The following ADAMTS17 variants were observed in gnomAD, a reference collection of about 807,000 sequenced individuals.
ADAMTS17 encodes A disintegrin and metalloproteinase with thrombospondin motifs 17.
A neutral mutation model predicts 141.5 loss-of-function variants in ADAMTS17; 113 were observed. The observed-to-expected ratio is 0.80, with a 90% confidence interval of 0.69 to 0.93. The LOEUF (loss-of-function observed/expected upper bound fraction) is 0.93, where lower values mean the gene tolerates loss of function less well. ADAMTS17 is among the 40% of genes least tolerant of loss of function. ADAMTS17 has a pLI of 0.00. For missense variants in ADAMTS17, 1,659 were observed against 1,517.9 expected, an observed-to-expected ratio of 1.09 and a Z score of -1.54; for synonymous variants, 768 against 630.6, an observed-to-expected ratio of 1.22 and a Z score of -3.27.
intron 20 of ADAMTS17, among the ~76,000 whole-genome samples, chr15:99,988,023 A>G (rs548456759): frequency 2.0e-5 from 3 of 151,620 alleles, no homozygotes; most frequent in Non-Finnish European, 4.4e-5. Context: ...GGTAAAACCA[A>G]CCTTCCCCCA....
chr15:100,145,690 T>C (rs1467342077), intron 10 of ADAMTS17, among the ~76,000 whole-genome samples: 1 of 152,220 alleles, frequency 6.6e-6, no homozygotes, highest in Non-Finnish European at 1.5e-5. Flanking sequence ...GGAGTATAAA[T>C]GGTTAATATG....
intron 8 of ADAMTS17, among the ~76,000 whole-genome samples, chr15:100,177,259 C>T (rs1159718851): frequency 1.3e-5 from 2 of 152,228 alleles, no homozygotes; most frequent in African/African-American, 2.4e-5. Flanking sequence ...CGCAATCTTT[C>T]GTCTTTTCTA....
intron 8 of ADAMTS17, among the ~76,000 whole-genome samples, chr15:100,192,203 C>T (rs1053435874): frequency 2.6e-5 from 4 of 152,224 alleles, no homozygotes; most frequent in Admixed American, 6.5e-5. Flanking sequence ...CCAAGCTCCG[C>T]TGAGGGAAAC....
At chr15:100,233,549 TAA>T (rs1473508604) in intron 7 of ADAMTS17, among the ~76,000 whole-genome samples, 4 of 152,138 alleles carry the variant, frequency 2.6e-5, no homozygotes, top group Non-Finnish European at 5.9e-5. Flanking sequence ...GTTGTATTAA[TAA>T]AACTCATTGC....
chr15:100,034,654 T>C (rs889818441), intron 18 of ADAMTS17, among the ~76,000 whole-genome samples: 53 of 152,188 alleles, frequency 3.5e-4, no homozygotes, highest in African/African-American at 1.3e-3. Flanking sequence ...TTGCAAACTC[T>C]TTCCTTTGAC....
At chr15:100,214,858 A>G (rs9635423) in intron 7 of ADAMTS17, among the ~76,000 whole-genome samples, 129,183 of 152,256 alleles carry the variant, frequency 0.85, 55,069 homozygotes, top group Non-Finnish European at 0.89. Flanking sequence ...CACTATGAGC[A>G]CAACGACACC....
chr15:100,239,622 C>T (rs1446245571), intron 7 of ADAMTS17, among the ~76,000 whole-genome samples: 1 of 152,142 alleles, frequency 6.6e-6, no homozygotes, highest in Non-Finnish European at 1.5e-5. Flanking sequence ...GAGACGGGCT[C>T]TGGAGCCACA....
In ADAMTS17 at chr15:99,974,417, T is replaced by G. The variant is rs112462169; in HGVS notation, c.3273A>C (p.Pro1091=). 1.5e-4 allele frequency: 238 copies of G among 1,614,122 alleles called. No homozygotes were observed. The African/African-American group carries it at 2.8e-3, about 19-fold the overall frequency. Residue 1091 remains proline (P), a synonymous_variant, in exon 22 of 22, where the codon CCA becomes CCC. Coordinates refer to ENST00000268070, the MANE Select transcript of ADAMTS17 (RefSeq NM_139057.4). Reference sequence around the variant, plus strand: ...GGACTGCGTGTCACGAGTTCGGCGGTGGCTGGCGCATCTTGTTTGCATAGA... The same window carrying G: ...GGACTGCGTGTCACGAGTTCGGCGGGGGCTGGCGCATCTTGTTTGCATAGA... The part of the protein sequence containing the change: ...RDFYANKMRQ[P]PPNS
At position 100,035,171 on chromosome 15, in the gene ADAMTS17, C is replaced by T. The variant is rs190729503; in HGVS notation, c.2591+13686G>A. Among the ~76,000 whole-genome samples, 814 of 152,264 alleles carry T rather than the reference C, an allele frequency of 5.3e-3. 5 individuals carry two copies. The highest frequency in any genetic ancestry group is 9.2e-3 in the Non-Finnish European group (623 of 68,022). The stretch of plus-strand genomic sequence containing the variant: ...GAACAGAGGCCAGGCATGCAGTTCC[C>T]CAGCAATGCTCTAGATGGTTAGAAA... On this transcript the variant is annotated intron_variant, in intron 18 of 21. Coordinates refer to ENST00000268070, the MANE Select transcript of ADAMTS17 (RefSeq NM_139057.4).
intron 8 of ADAMTS17, among the ~76,000 whole-genome samples, chr15:100,197,077 A>T (rs768211478): frequency 7.2e-5 from 11 of 152,218 alleles, no homozygotes; most frequent in Non-Finnish European, 1.6e-4. Flanking sequence ...CTAACCATTC[A>T]TCTTTGCAGA....
chr15:100,014,902 C>G (rs2141419191), intron 18 of ADAMTS17, among the ~76,000 whole-genome samples: 1 of 152,230 alleles, frequency 6.6e-6, no homozygotes, highest in Non-Finnish European at 1.5e-5. Flanking sequence ...TAGCTTAAAT[C>G]TATTATTTCT....
In ADAMTS17 at chr15:99,993,490, C is replaced by T. The variant is rs112182644; in HGVS notation, c.2797-290G>A. On this transcript the variant is annotated intron_variant, in intron 19 of 21. Transcript: ENST00000268070. The surrounding 1 kb of genome is among the most constrained non-coding windows in gnomAD (Gnocchi z 4.3). ...GGAGTGGAATTCAGTGGCCACTTGT[C>T]GGGTCCAAAAGCTCAAGGCAATACG... 9.9e-5 allele frequency among the ~76,000 whole-genome samples: 15 copies of T among 152,212 alleles called. No homozygotes were observed. The highest frequency in any genetic ancestry group is 2.4e-4 in the African/African-American group (10 of 41,536).
intron 18 of ADAMTS17, among the ~76,000 whole-genome samples, chr15:100,022,627 C>A (rs2061426347): frequency 6.6e-6 from 1 of 152,136 alleles, no homozygotes; most frequent in African/African-American, 2.4e-5. Flanking sequence ...CCTTTAGCCA[C>A]CCAGCCCTGA....
At chr15:100,036,814 T>C (rs2030767256) in intron 18 of ADAMTS17, among the ~76,000 whole-genome samples, 1 of 152,182 alleles carries the variant, frequency 6.6e-6, no homozygotes, top group Non-Finnish European at 1.5e-5. Flanking sequence ...ATCTAGACAT[T>C]GCATCTCGAT....
chr15:100,174,243 C>T (rs1180817635), intron 8 of ADAMTS17, among the ~76,000 whole-genome samples: 1 of 150,340 alleles, frequency 6.7e-6, no homozygotes, highest in African/African-American at 2.5e-5. Flanking sequence ...TGCTCAGATT[C>T]CCAATTTTGG....
chr15:100,341,615 C>T (rs990380342), intron 1 of ADAMTS17, among the ~76,000 whole-genome samples: 13 of 150,194 alleles, frequency 8.7e-5, no homozygotes, highest in African/African-American at 3.2e-4. Context: ...GGAACGGCGC[C>T]GCGCATCGGC....
At chr15:100,162,776 A>G (rs1266627202) in intron 8 of ADAMTS17, among the ~76,000 whole-genome samples, 1 of 146,182 alleles carries the variant, frequency 6.8e-6, no homozygotes, top group Non-Finnish European at 1.5e-5. Context: ...ATACACATAT[A>G]TATACATATG....
chr15:100,293,569 G>C (rs1382886444), intron 3 of ADAMTS17, among the ~76,000 whole-genome samples: 2 of 152,200 alleles, frequency 1.3e-5, no homozygotes, highest in African/African-American at 2.4e-5. Flanking sequence ...AGGTCACCCA[G>C]TGTGCCCCAG....
rs914675842 is a variant in ADAMTS17, at chr15:100,341,274, G to A, written c.215C>T (p.Pro72Leu). 3.4e-6 allele frequency: 4 copies of A among 1,177,028 alleles called. No individual in the cohort carries two copies. In the African/African-American group the frequency reaches 6.5e-5, roughly 19 times the overall value. The allele number at this position is 1,177,028 out of a possible 1,614,324, so 72.9% of individuals were successfully genotyped here. ...RRRPRTPPAA[P>L]RARPGERALL... is the part of the protein sequence containing the mutation. The stretch of plus-strand genomic sequence containing the variant: ...GGCGCGCTCTCCGGGCCGGGCGCGC[G>A]GGGCGGCTGGGGGCGTGCGGGGGCG... Residue 72 changes from proline (P) to leucine (L), a missense_variant, in exon 2 of 22, where the codon CCG (proline) becomes CTG (leucine). Coordinates refer to ENST00000268070, the MANE Select transcript of ADAMTS17 (RefSeq NM_139057.4).
Sources: gnomAD v4.1 joint callset for allele counts (sites outside exome capture counted in the v4.1 genomes callset) on GRCh38, gnomAD v4.1.1 for gene constraint, Gnocchi (gnomAD v3.1) non-coding constraint, MANE v1.5 for transcripts, NCBI Gene and HGNC (gene_info 2026-07-23, HGNC 2026-07-21) for gene names.